ADCY2: variants seen among roughly 807,000 people sequenced by gnomAD.
ADCY2 encodes adenylate cyclase 2, also known as adenylate cyclase type 2.
Under a neutral mutation model 125.2 loss-of-function variants are expected in ADCY2, and 31 were observed. The ratio of observed to expected loss-of-function variants is 0.25; its 90% CI spans 0.19 to 0.33. The LOEUF (loss-of-function observed/expected upper bound fraction) is 0.33, where lower values mean the gene tolerates loss of function less well. Ranked by LOEUF, ADCY2 falls within the 10% of genes least tolerant of loss-of-function variation. The pLI, the probability that ADCY2 is intolerant of heterozygous loss-of-function variation, is 1.00. For synonymous variants in ADCY2, 512 were observed against 548.4 expected (o/e 0.93, Z 0.93); for missense variants, 904 against 1,418.2 (o/e 0.64, Z 5.82).
chr5:7,804,743 C>T (rs373131575), intron 22 of ADCY2, 51 bp downstream of exon 22: 123 of 1,409,732 alleles, frequency 8.7e-5, no homozygotes, highest in Non-Finnish European at 1.2e-4. Context: ...ACCCCATCCA[C>T]AAACCACCCT....
At chr5:7,534,522 G>A (rs984632468) in intron 3 of ADCY2, among the ~76,000 whole-genome samples, 1 of 152,202 alleles carries the variant, frequency 6.6e-6, no homozygotes, top group African/African-American at 2.4e-5. Flanking sequence ...GAAAAGCAAA[G>A]ATAAAGAGAG....
At chr5:7,794,464 C>T (rs1201669203) in intron 20 of ADCY2, 1 of 152,230 alleles carries the variant, frequency 6.6e-6, no homozygotes, top group Non-Finnish European at 1.5e-5. Flanking sequence ...ATTCTGGAGG[C>T]TTCAGTCCCC....
chr5:7,519,979 AT>A (rs1201318538), intron 2 of ADCY2, among the ~76,000 whole-genome samples: 1 of 152,232 alleles, frequency 6.6e-6, no homozygotes, highest in Non-Finnish European at 1.5e-5. Context: ...GGTAGCATGC[AT>A]TCGCATCTTA....
intron 4 of ADCY2, among the ~76,000 whole-genome samples, chr5:7,664,278 A>G (rs1278997318): frequency 6.6e-6 from 1 of 152,170 alleles, no homozygotes; most frequent in African/African-American, 2.4e-5. Context: ...TTTTTCTCTC[A>G]GCTGAATTGA....
intron 19 of ADCY2, among the ~76,000 whole-genome samples, chr5:7,789,178 C>T (rs1744175660): frequency 6.6e-6 from 1 of 152,186 alleles, no homozygotes; most frequent in African/African-American, 2.4e-5. Flanking sequence ...CATAATTATA[C>T]AATTTGTGTT....
chr5:7,735,254 C>T (rs905146901), intron 14 of ADCY2, among the ~76,000 whole-genome samples: 27 of 152,152 alleles, frequency 1.8e-4, no homozygotes, highest in Non-Finnish European at 3.7e-4. Context: ...TTTCTATATG[C>T]AAGACCATAT....
intron 2 of ADCY2, among the ~76,000 whole-genome samples, chr5:7,441,450 T>C (rs1741011568): frequency 6.6e-6 from 1 of 152,044 alleles, no homozygotes; most frequent in African/African-American, 2.4e-5. Flanking sequence ...AATATAAAAG[T>C]TAATGGACAT....
intron 4 of ADCY2, among the ~76,000 whole-genome samples, chr5:7,633,003 C>G (rs1738370457): frequency 6.6e-6 from 1 of 151,964 alleles, no homozygotes; most frequent in African/African-American, 2.4e-5. Flanking sequence ...GATCCAAGAT[C>G]CAGGGGGAGG....
At chr5:7,755,066 A>G (rs1456258396) in intron 15 of ADCY2, among the ~76,000 whole-genome samples, 1 of 152,206 alleles carries the variant, frequency 6.6e-6, no homozygotes, top group Non-Finnish European at 1.5e-5. Flanking sequence ...ATCTTGCTGC[A>G]TGACAGATTT....
At chr5:7,720,832 T>C (rs567403861) in intron 12 of ADCY2, among the ~76,000 whole-genome samples, 5,566 of 152,260 alleles carry the variant, frequency 0.037, 349 homozygotes, top group African/African-American at 0.13. Context: ...GTCTTTGCTA[T>C]TGTGAATAGT....
intron 4 of ADCY2, among the ~76,000 whole-genome samples, chr5:7,630,946 C>T (rs912091055): frequency 6.6e-6 from 1 of 152,064 alleles, no homozygotes; most frequent in Admixed American, 6.5e-5. Context: ...CACCACCACA[C>T]CTGGCTAACT....
intron 4 of ADCY2, among the ~76,000 whole-genome samples, chr5:7,663,957 A>T (rs908482456): frequency 1.3e-5 from 2 of 152,152 alleles, no homozygotes; most frequent in African/African-American, 4.8e-5. Context: ...CTGGAAGAGG[A>T]TTTCCGAAGT....
chr5:7,674,707 G>A (rs1406326909), intron 4 of ADCY2, among the ~76,000 whole-genome samples: 1 of 152,180 alleles, frequency 6.6e-6, no homozygotes, highest in East Asian at 1.9e-4. Context: ...GAGGGGTGGG[G>A]AGGGTTAAAA....
intron 11 of ADCY2, 57 bp from the exon 12 acceptor site, chr5:7,717,100 C>T: frequency 1.7e-6 from 2 of 1,211,388 alleles, no homozygotes; most frequent in Non-Finnish European, 1.2e-6. Context: ...AAAAAATTGG[C>T]TTAATATTTA....
chr5:7,745,865 A>C (rs1383975946), intron 15 of ADCY2, among the ~76,000 whole-genome samples: 1 of 151,942 alleles, frequency 6.6e-6, no homozygotes, highest in Non-Finnish European at 1.5e-5. Context: ...TTTTCATTCT[A>C]CTCTCTAAGT....
rs1202269292 is a variant in ADCY2 at position 7,396,558 on chromosome 5, G to T, written c.210+52G>T. The stretch of plus-strand genomic sequence containing the variant: ...GCCGCGCCTTCCCCGGCCCTGAGAG[G>T]AGCCCGGCCAGCCGAGCCGCGTCCC... On this transcript the variant is annotated intron_variant, in intron 1 of 24. Transcript: ENST00000338316. This position sits in a 1 kb window ranked among gnomAD's most constrained non-coding sequence, Gnocchi z 5.7. 1 of 1,476,192 alleles carries T rather than the reference G, an allele frequency of 6.8e-7. No homozygotes were observed. Among genetic ancestry groups the T allele is most frequent in the Admixed American group, 2.2e-5 (1 of 44,732 alleles). The allele number at this position is 1,476,192 out of a possible 1,614,324, so 91.4% of individuals were successfully genotyped here.
chr5:7,455,849 A>G (rs1741650560), intron 2 of ADCY2, among the ~76,000 whole-genome samples: 1 of 146,298 alleles, frequency 6.8e-6, no homozygotes, highest in Non-Finnish European at 1.5e-5. Context: ...ATTTATAATA[A>G]TGTATTATGT....
chr5:7,703,113 T>G (rs1454134042), intron 7 of ADCY2, among the ~76,000 whole-genome samples: 2 of 152,234 alleles, frequency 1.3e-5, no homozygotes, highest in Non-Finnish European at 2.9e-5. Context: ...GAGTTCTTTG[T>G]AGATTCTGGA....
intron 3 of ADCY2, among the ~76,000 whole-genome samples, chr5:7,531,953 C>T (rs17827324): frequency 0.083 from 12,675 of 152,296 alleles, 747 homozygotes; most frequent in Non-Finnish European, 0.13. Flanking sequence ...GCAGACTGTT[C>T]CATGTATTCT....
Sources: gnomAD v4.1 joint callset for allele counts (sites outside exome capture counted in the v4.1 genomes callset) on GRCh38, gnomAD v4.1.1 for gene constraint, Gnocchi (gnomAD v3.1) non-coding constraint, MANE v1.5 for transcripts, NCBI Gene and HGNC (gene_info 2026-07-23, HGNC 2026-07-21) for gene names.